CERS6: variants seen among roughly 807,000 people sequenced by gnomAD.
CERS6 encodes the protein LAG1 homolog, ceramide synthase 6.
A neutral mutation model predicts 56.8 loss-of-function variants in CERS6; 26 were observed. The ratio of observed to expected loss-of-function variants is 0.46; its 90% CI spans 0.34 to 0.63. The LOEUF is 0.63. Ranked by LOEUF, CERS6 falls within the 30% of genes least tolerant of loss-of-function variation. The probability of loss-of-function intolerance (pLI) is 0.01; values close to 1 mark genes in which losing one functional copy is unlikely to be tolerated. For synonymous variants in CERS6, 164 were observed against 173.3 expected (o/e 0.95, Z 0.42); for missense variants, 415 against 467.5 (o/e 0.89, Z 1.04).
At position 168,774,472 on chromosome 2, in the gene CERS6, T is replaced by A. The variant is rs1293699484; in HGVS notation, c.*4810T>A. 1.3e-5 allele frequency: 2 copies of A among 152,184 alleles called. No individual in the cohort carries two copies. Among genetic ancestry groups the A allele is most frequent in the African/African-American group, 4.8e-5 (2 of 41,440 alleles). The allele number at this position is 152,184 out of a possible 1,614,324, so 9.4% of individuals were successfully genotyped here. On this transcript the variant is annotated 3_prime_UTR_variant, in exon 10 of 10. Coordinates refer to ENST00000305747, the MANE Select transcript of CERS6 (RefSeq NM_203463.3). ...AACACAGGTCCATGAAAGTTTGGCT[T>A]CCTGGTTTGATGTCTGTTGCGTGGC...
chr2:168,518,531 C>T (rs1466181838), intron 1 of CERS6, among the ~76,000 whole-genome samples: 1 of 152,136 alleles, frequency 6.6e-6, no homozygotes, highest in Non-Finnish European at 1.5e-5. Flanking sequence ...TCTCTTCCTG[C>T]CTCCTGCCTC....
chr2:168,750,379 CA>C (rs1288212008), intron 8 of CERS6, among the ~76,000 whole-genome samples: 1 of 152,120 alleles, frequency 6.6e-6, no homozygotes, highest in Non-Finnish European at 1.5e-5. Flanking sequence ...ATTAAAACCA[CA>C]AAGAAGAAAA....
intron 1 of CERS6, among the ~76,000 whole-genome samples, chr2:168,510,988 T>C (rs1387640914): frequency 6.6e-6 from 1 of 152,246 alleles, no homozygotes; most frequent in Non-Finnish European, 1.5e-5. Context: ...GAACCTGTCT[T>C]GTGTGGATAT....
intron 4 of CERS6, among the ~76,000 whole-genome samples, chr2:168,642,352 A>G (rs1364539181): frequency 6.6e-6 from 1 of 151,390 alleles, no homozygotes; most frequent in Non-Finnish European, 1.5e-5. Context: ...AAAAACACAA[A>G]AAAGATCTAC....
At chr2:168,518,067 C>T (rs1159682858) in intron 1 of CERS6, among the ~76,000 whole-genome samples, 1 of 152,102 alleles carries the variant, frequency 6.6e-6, no homozygotes, top group Non-Finnish European at 1.5e-5. Context: ...CATTAAAGGA[C>T]GTGTCATAAT....
At chr2:168,742,965 TCTC>T (rs1430339633) in intron 8 of CERS6, among the ~76,000 whole-genome samples, 1 of 152,170 alleles carries the variant, frequency 6.6e-6, no homozygotes, top group East Asian at 1.9e-4. Context: ...TTGATATTTA[TCTC>T]CTCGGGATGG....
At chr2:168,609,975 T>TTG (rs1491584949) in intron 3 of CERS6, among the ~76,000 whole-genome samples, 2 of 2,716 alleles carry the variant, frequency 7.4e-4, no homozygotes, top group Non-Finnish European at 1.4e-3. Context: ...GATGTGACTG[T>TTG]TTTTTTTTTT....
rs138516934 is a variant in CERS6, at chr2:168,603,577, A to C, written c.408-27408A>C. On this transcript the variant is annotated intron_variant, in intron 3 of 9. Transcript: ENST00000305747. Reference sequence around the variant, plus strand: ...TTTCACCGAAGCCCATTTATTGTGCATTGGCTGTAGCCTTCCCAGCAGGCA... The same window carrying C: ...TTTCACCGAAGCCCATTTATTGTGCCTTGGCTGTAGCCTTCCCAGCAGGCA... Among the ~76,000 whole-genome samples the C allele has an allele frequency of 2.0e-5, 3 of 152,310 alleles. No homozygotes were observed. In the East Asian group the frequency reaches 5.8e-4, roughly 29 times the overall value.
chr2:168,588,080 A>T (rs1363226493), intron 3 of CERS6, among the ~76,000 whole-genome samples: 1 of 138,552 alleles, frequency 7.2e-6, no homozygotes, highest in African/African-American at 2.7e-5. Flanking sequence ...TACCTGGCTA[A>T]TTTTTTTTTT....
At chr2:168,559,677 G>A (rs1209273800) in intron 2 of CERS6, among the ~76,000 whole-genome samples, 4 of 139,134 alleles carry the variant, frequency 2.9e-5, no homozygotes, top group African/African-American at 1.1e-4. Flanking sequence ...GGGGAGCGCA[G>A]CATTCAGTCC....
intron 1 of CERS6, among the ~76,000 whole-genome samples, chr2:168,530,554 A>G (rs1695148570): frequency 6.6e-6 from 1 of 152,232 alleles, no homozygotes; most frequent in African/African-American, 2.4e-5. Context: ...ATACAGGAAC[A>G]TATGTTTCAT....
chr2:168,529,964 A>T (rs1481847665), intron 1 of CERS6, among the ~76,000 whole-genome samples: 1 of 151,666 alleles, frequency 6.6e-6, no homozygotes, highest in Admixed American at 6.6e-5. Flanking sequence ...AGGGGCCTAT[A>T]AGACAGTCTG....
At chr2:168,616,824 C>A (rs2105279411) in intron 3 of CERS6, among the ~76,000 whole-genome samples, 1 of 152,256 alleles carries the variant, frequency 6.6e-6, no homozygotes, top group South Asian at 2.1e-4. Context: ...TTAGACAGGT[C>A]ATCAAGACAG....
intron 4 of CERS6, among the ~76,000 whole-genome samples, chr2:168,681,483 AATT>A (rs1190816811): frequency 2.0e-5 from 3 of 152,128 alleles, no homozygotes; most frequent in Non-Finnish European, 2.9e-5. Flanking sequence ...GGTTTTTAAA[AATT>A]ATTCTCATTC....
At chr2:168,488,221 A>G (rs1293842190) in intron 1 of CERS6, among the ~76,000 whole-genome samples, 2 of 152,204 alleles carry the variant, frequency 1.3e-5, no homozygotes, top group Non-Finnish European at 2.9e-5. Flanking sequence ...TATATTTTAT[A>G]AATTGTTGAT....
At chr2:168,628,665 A>G (rs1574111191) in intron 3 of CERS6, among the ~76,000 whole-genome samples, 1 of 152,198 alleles carries the variant, frequency 6.6e-6, no homozygotes, top group Non-Finnish European at 1.5e-5. Flanking sequence ...CATTTGTGGT[A>G]AAGGGCAAAG....
chr2:168,656,141 G>A (rs1475484332), intron 4 of CERS6, among the ~76,000 whole-genome samples: 2 of 152,166 alleles, frequency 1.3e-5, no homozygotes, highest in South Asian at 2.1e-4. Flanking sequence ...ATTCTGCCTG[G>A]ATGGTGGCAG....
intron 8 of CERS6, among the ~76,000 whole-genome samples, chr2:168,741,212 G>A (rs185897269): frequency 2.6e-5 from 4 of 152,066 alleles, no homozygotes; most frequent in Admixed American, 1.3e-4. Context: ...GGGAATAAAA[G>A]CAACAGTGTA....
intron 3 of CERS6, among the ~76,000 whole-genome samples, chr2:168,570,986 A>G (rs1014443438): frequency 2.0e-5 from 3 of 152,198 alleles, no homozygotes; most frequent in African/African-American, 7.2e-5. Flanking sequence ...AATATCTTAC[A>G]GGGAGCCATC....
Sources: gnomAD v4.1 joint callset for allele counts (sites outside exome capture counted in the v4.1 genomes callset) on GRCh38, gnomAD v4.1.1 for gene constraint, MANE v1.5 for transcripts, NCBI Gene and HGNC (gene_info 2026-07-23, HGNC 2026-07-21) for gene names.